Variants in SNTG1 observed in about 807,000 individuals in gnomAD.
SNTG1 encodes the protein syntrophin gamma 1, also known as gamma-1-syntrophin.
In SNTG1, 39 loss-of-function variants were observed where a neutral mutation model predicts 74.7. That is an observed-to-expected ratio of 0.52 (90% CI 0.40 to 0.68). The LOEUF is 0.68. Ranked by LOEUF, SNTG1 falls within the 30% of genes least tolerant of loss-of-function variation. The pLI is 0.00. For missense variants in SNTG1, 685 were observed against 609.5 expected, an observed-to-expected ratio of 1.12 and a Z score of -1.30; for synonymous variants, 254 against 217.1, an observed-to-expected ratio of 1.17 and a Z score of -1.49.
intron 15 of SNTG1, among the ~76,000 whole-genome samples, chr8:50,678,500 T>C (rs997981038): frequency 3.3e-5 from 5 of 152,094 alleles, no homozygotes; most frequent in Admixed American, 6.6e-5. Context: ...CATATTTATA[T>C]TGTTTGAAAT....
At chr8:50,076,708 T>G (rs769598625) in intron 1 of SNTG1, among the ~76,000 whole-genome samples, 49 of 152,152 alleles carry the variant, frequency 3.2e-4, no homozygotes, top group Non-Finnish European at 6.5e-4. Context: ...AATTAAGCTT[T>G]CATATACTCC....
At chr8:50,308,565 T>C (rs1341604430) in intron 2 of SNTG1, among the ~76,000 whole-genome samples, 1 of 152,174 alleles carries the variant, frequency 6.6e-6, no homozygotes, top group African/African-American at 2.4e-5. Flanking sequence ...ATCTACATTG[T>C]CACCACCTCC....
chr8:50,421,059 G>T lies in SNTG1; in HGVS notation c.163-17484G>T, dbSNP rs1268312032. Among the ~76,000 whole-genome samples the T allele has an allele frequency of 4.2e-3, 457 of 109,684 alleles. 18 individuals carry two copies. The highest frequency in any genetic ancestry group is 6.2e-3 in the Non-Finnish European group (329 of 52,788). The allele number at this position is 109,684 out of a possible 152,430, so 72.0% of individuals were successfully genotyped here. A position where few individuals can be genotyped will look rare whatever the true frequency, so the allele number is the denominator to read the frequency against. On this transcript the variant is annotated intron_variant, in intron 4 of 18. Coordinates refer to ENST00000642720, the MANE Select transcript of SNTG1 (RefSeq NM_018967.5). ...AAAGGCGGTGGGCGGGGGAGGGGGGGGCGAAGATAAAGGGACATTTAAATG... is the reference window on the plus strand; with the variant it reads ...AAAGGCGGTGGGCGGGGGAGGGGGGTGCGAAGATAAAGGGACATTTAAATG...
rs560486794 is a variant in SNTG1 at position 50,636,113 on chromosome 8, C to T, written c.850-20796C>T. 8.1e-3 allele frequency among the ~76,000 whole-genome samples: 332 copies of T among 40,896 alleles called. 1 individual carries two copies. Among genetic ancestry groups the T allele is most frequent in the Non-Finnish European group, 0.023 (216 of 9,568 alleles). 26.8% of individuals were successfully genotyped at this position (40,896 alleles called of 152,430 possible). On this transcript the variant is annotated intron_variant, in intron 13 of 18. Transcript: ENST00000642720. ...AGGGCCTAGAATGGGTTCCTCATGACTCTGCCTGAGGTGACTACTATGACT... is the reference window on the plus strand; with the variant it reads ...AGGGCCTAGAATGGGTTCCTCATGATTCTGCCTGAGGTGACTACTATGACT...
chr8:50,518,247 T>G (rs2094150348), intron 9 of SNTG1, among the ~76,000 whole-genome samples: 1 of 152,174 alleles, frequency 6.6e-6, no homozygotes, highest in African/African-American at 2.4e-5. Flanking sequence ...AAATAAGTTC[T>G]TTGAAACCAA....
chr8:50,639,670 T>C (rs980701114), intron 13 of SNTG1, among the ~76,000 whole-genome samples: 1 of 152,066 alleles, frequency 6.6e-6, no homozygotes, highest in Admixed American at 6.6e-5. Context: ...GCTACAATAA[T>C]GTACATTTTA....
chr8:50,524,458 A>G (rs547784060), intron 9 of SNTG1, among the ~76,000 whole-genome samples: 3 of 152,188 alleles, frequency 2.0e-5, no homozygotes, highest in African/African-American at 4.8e-5. Context: ...AATACTATTA[A>G]CCGTTTTTAA....
In SNTG1 at chr8:50,214,735, C is replaced by A. The variant is rs141447602; in HGVS notation, c.-28+42100C>A. ...CAGTGTTATTTGGGATCTGGCAAGG[C>A]CTTTTCAATTGTCCACCCTAGGGTT... On this transcript the variant is annotated intron_variant, in intron 2 of 18. Transcript: ENST00000642720. Among the ~76,000 whole-genome samples, 5 of 152,186 alleles carry A rather than the reference C, an allele frequency of 3.3e-5. No individual in the cohort carries two copies. In the East Asian group the frequency reaches 7.7e-4, roughly 24 times the overall value.
chr8:50,390,260 A>C lies in SNTG1; in HGVS notation c.-27-3952A>C, dbSNP rs188034624. Among the ~76,000 whole-genome samples, 823 of 152,302 alleles carry C rather than the reference A, an allele frequency of 5.4e-3. 11 individuals are homozygous for C. The highest frequency in any genetic ancestry group is 0.019 in the African/African-American group (789 of 41,556). On this transcript the variant is annotated intron_variant, in intron 2 of 18. Transcript: ENST00000642720. ...TAATCCATCTTGAATTAATTTTTGT[A>C]TAAGGTATAAGGAAGGGATCCATTT... is the stretch of plus-strand genomic sequence containing the variant.
intron 1 of SNTG1, among the ~76,000 whole-genome samples, chr8:50,097,606 C>T (rs886675909): frequency 6.6e-6 from 1 of 151,486 alleles, no homozygotes; most frequent in Non-Finnish European, 1.5e-5. Flanking sequence ...GAGCGGAGAT[C>T]GCGCCACAGC....
chr8:50,515,690 C>A (rs1308637789), intron 9 of SNTG1, among the ~76,000 whole-genome samples: 1 of 152,128 alleles, frequency 6.6e-6, no homozygotes, highest in Non-Finnish European at 1.5e-5. Context: ...TTGCTGGGAA[C>A]TTCTAACAGG....
chr8:50,424,611 A>C (rs566638602), intron 4 of SNTG1, among the ~76,000 whole-genome samples: 1 of 152,332 alleles, frequency 6.6e-6, no homozygotes, highest in South Asian at 2.1e-4. Context: ...TGTAGCACAC[A>C]ACAAACTTAA....
intron 15 of SNTG1, among the ~76,000 whole-genome samples, chr8:50,696,022 A>T (rs1248173087): frequency 6.6e-6 from 1 of 151,840 alleles, no homozygotes. Context: ...TTCTATTTTT[A>T]TTTCTTTGAG....
chr8:50,461,952 C>T (rs1300243953), intron 8 of SNTG1, among the ~76,000 whole-genome samples: 2 of 152,046 alleles, frequency 1.3e-5, no homozygotes, highest in African/African-American at 4.8e-5. Flanking sequence ...CATGTGTATA[C>T]ATGCCTGTTC....
intron 18 of SNTG1, among the ~76,000 whole-genome samples, chr8:50,760,907 G>A (rs1028643729): frequency 5.9e-5 from 9 of 151,884 alleles, no homozygotes; most frequent in Non-Finnish European, 8.8e-5. Flanking sequence ...AAAAAGTCCA[G>A]GACCAGACGG....
At chr8:50,243,498 T>G (rs1385403645) in intron 2 of SNTG1, among the ~76,000 whole-genome samples, 1 of 152,148 alleles carries the variant, frequency 6.6e-6, no homozygotes, top group Admixed American at 6.6e-5. Flanking sequence ...GAAGGGATTT[T>G]AAAATGCAAA....
intron 1 of SNTG1, among the ~76,000 whole-genome samples, chr8:50,063,461 G>T (rs959993392): frequency 1.3e-5 from 2 of 152,140 alleles, no homozygotes; most frequent in African/African-American, 4.8e-5. Flanking sequence ...ATGTCATCAG[G>T]CCATGAAATG....
At position 50,121,696 on chromosome 8, in the gene SNTG1, T is replaced by C. The variant is rs538532875; in HGVS notation, c.-102-50865T>C. On this transcript the variant is annotated intron_variant, in intron 1 of 18. Transcript: ENST00000642720. ...AACTGTACCAAAAAAATAGAATGAA[T>C]TTTAAATCATGAAAATAAGCCAAAC... Among the ~76,000 whole-genome samples the C allele has an allele frequency of 1.1e-4, 15 of 141,742 alleles. 3 individuals are homozygous for C. In the South Asian group the frequency reaches 2.9e-3, roughly 27 times the overall value. 93.0% of individuals were successfully genotyped at this position (141,742 alleles called of 152,430 possible). A position where few individuals can be genotyped will look rare whatever the true frequency, so the allele number is the denominator to read the frequency against.
chr8:50,143,418 C>T (rs2081744482), intron 1 of SNTG1, among the ~76,000 whole-genome samples: 1 of 152,130 alleles, frequency 6.6e-6, no homozygotes, highest in Non-Finnish European at 1.5e-5. Flanking sequence ...TATATTTTAG[C>T]AGTGGAAGGG....
Sources: gnomAD v4.1 joint callset for allele counts (sites outside exome capture counted in the v4.1 genomes callset) on GRCh38, gnomAD v4.1.1 for gene constraint, MANE v1.5 for transcripts, NCBI Gene and HGNC (gene_info 2026-07-23, HGNC 2026-07-21) for gene names.